TEX9: variants seen among roughly 807,000 people sequenced by gnomAD.
The protein encoded by TEX9 is testis expressed 9.
In TEX9, 74 loss-of-function variants were observed where a neutral mutation model predicts 59.6. That is an observed-to-expected ratio of 1.24 (90% confidence interval 1.03 to 1.51). The LOEUF is 1.51. Ranked by LOEUF, TEX9 falls within the 40% of genes most tolerant of loss-of-function variation. The pLI is 0.00. For missense variants in TEX9, 522 were observed against 447.8 expected, an observed-to-expected ratio of 1.17 and a Z score of -1.49; for synonymous variants, 186 against 152.2, an observed-to-expected ratio of 1.22 and a Z score of -1.64.
chr15:56,443,467 T>G, intron 12 of TEX9: 1 of 1,595,018 alleles, frequency 6.3e-7, no homozygotes, highest in Non-Finnish European at 8.5e-7. Context: ...TTGTTCTTCC[T>G]GGTATAATTC....
At chr15:56,392,935 A>G (rs1384233672) in intron 7 of TEX9, among the ~76,000 whole-genome samples, 2 of 152,038 alleles carry the variant, frequency 1.3e-5, no homozygotes, top group Non-Finnish European at 1.5e-5. Context: ...ATTTTCTCTT[A>G]TTTTAGATGA....
At chr15:56,267,189 G>C (rs1160101541) in intron 1 of TEX9, among the ~76,000 whole-genome samples, 1 of 152,120 alleles carries the variant, frequency 6.6e-6, no homozygotes, top group Non-Finnish European at 1.5e-5. Flanking sequence ...TTTTCTTCCT[G>C]TAAATTTGTT....
chr15:56,301,321 A>G (rs1248646705), intron 1 of TEX9, among the ~76,000 whole-genome samples: 1 of 152,220 alleles, frequency 6.6e-6, no homozygotes, highest in Non-Finnish European at 1.5e-5. Flanking sequence ...CGAATGAAGC[A>G]TGCCTACAAG....
intron 12 of TEX9, chr15:56,429,285 A>C: frequency 2.6e-6 from 2 of 776,150 alleles, no homozygotes; most frequent in Non-Finnish European, 4.2e-6. Flanking sequence ...TAGTAAAGTT[A>C]TCTCCAAGGT....
chr15:56,318,422 G>A (rs1029391151), intron 1 of TEX9, among the ~76,000 whole-genome samples: 22 of 152,086 alleles, frequency 1.4e-4, no homozygotes, highest in Non-Finnish European at 2.5e-4. Context: ...ATTGTAGGCA[G>A]CATATCGTTG....
chr15:56,292,547 C>T (rs570597926), intron 1 of TEX9, among the ~76,000 whole-genome samples: 1 of 152,254 alleles, frequency 6.6e-6, no homozygotes, highest in Non-Finnish European at 1.5e-5. Flanking sequence ...GCTACTCCAC[C>T]AGGGCAAACC....
At chr15:56,349,431 G>T (rs937653571) in intron 1 of TEX9, among the ~76,000 whole-genome samples, 1 of 152,130 alleles carries the variant, frequency 6.6e-6, no homozygotes, top group Non-Finnish European at 1.5e-5. Flanking sequence ...ATAATTTTGG[G>T]ATTTCCCTCT....
At position 56,444,581 on chromosome 15, in the gene TEX9, C is replaced by A. The variant is rs201457984; in HGVS notation, c.*30-1090C>A. 18 of 1,612,530 alleles carry A rather than the reference C, an allele frequency of 1.1e-5. No homozygotes were observed. In the Admixed American group the frequency reaches 3.0e-4, roughly 27 times the overall value. On this transcript the variant is annotated intron_variant, in intron 12 of 12. Coordinates refer to ENST00000352903, the Ensembl canonical transcript of TEX9. ...CTAAGTCAAGATAGTACTGTGCTTT[C>A]GCTTTGTTTCGTTTGTCTTCTGCAG...
chr15:56,376,666 G>A (rs1232898060), intron 3 of TEX9, among the ~76,000 whole-genome samples: 1 of 151,698 alleles, frequency 6.6e-6, no homozygotes, highest in Non-Finnish European at 1.5e-5. Context: ...TACCCTTGTC[G>A]ATGGGTAGTT....
At chr15:56,282,958 T>C (rs2044851573) in intron 1 of TEX9, among the ~76,000 whole-genome samples, 1 of 151,890 alleles carries the variant, frequency 6.6e-6, no homozygotes, top group Admixed American at 6.6e-5. Context: ...AAAAATAAAT[T>C]TGAGGACTGA....
At chr15:56,300,245 G>A (rs984898288) in intron 1 of TEX9, among the ~76,000 whole-genome samples, 54 of 152,040 alleles carry the variant, frequency 3.6e-4, no homozygotes, top group African/African-American at 1.2e-3. Flanking sequence ...TGGGCCCTGG[G>A]GTGATGATGG....
rs568132311 is a variant in TEX9, at chr15:56,373,567, GAT to G, written c.183+68_183+69del. The stretch of plus-strand genomic sequence containing the variant: ...TGCTAGTTTTTTATCTTTTTCATTT[GAT>G]ATATGACATATATACAAAACACTAG... On this transcript the variant is annotated intron_variant, in intron 3 of 12. Coordinates refer to ENST00000352903, the Ensembl canonical transcript of TEX9. 2.8e-4 allele frequency: 382 copies of G among 1,354,588 alleles called. 3 individuals are homozygous for G. The South Asian group carries it at 5.4e-3, about 19-fold the overall frequency. The allele number at this position is 1,354,588 out of a possible 1,614,324, so 83.9% of individuals were successfully genotyped here. A position where few individuals can be genotyped will look rare whatever the true frequency, so the allele number is the denominator to read the frequency against.
rs374084938 is a variant in TEX9 at position 56,399,158 on chromosome 15, C to T, written c.828+4324C>T. 1.2e-4 allele frequency among the ~76,000 whole-genome samples: 19 copies of T among 152,270 alleles called. 1 individual carries two copies. Among genetic ancestry groups the T allele is most frequent in the African/African-American group, 3.4e-4 (14 of 41,548 alleles). On this transcript the variant is annotated intron_variant, in intron 9 of 12. Coordinates refer to ENST00000352903, the Ensembl canonical transcript of TEX9. ...GGTGAACTGAAGCAGAGTGGGGTGT[C>T]GCCTTACCCGGGAAGTGCAAGGGGT...
intron 12 of TEX9, chr15:56,428,731 G>A: frequency 2.8e-6 from 1 of 358,084 alleles, no homozygotes; most frequent in Non-Finnish European, 5.0e-6. Flanking sequence ...TGCTTTAAAA[G>A]AAAATTCCAA....
intron 1 of TEX9, among the ~76,000 whole-genome samples, chr15:56,273,036 C>T (rs2044582654): frequency 6.6e-6 from 1 of 151,792 alleles, no homozygotes; most frequent in East Asian, 1.9e-4. Context: ...TCAGTGCAAC[C>T]TCCGCCTCCC....
chr15:56,314,591 A>G (rs1178121205), intron 1 of TEX9, among the ~76,000 whole-genome samples: 4 of 151,706 alleles, frequency 2.6e-5, no homozygotes, highest in Non-Finnish European at 5.9e-5. Flanking sequence ...ATTTTGGAAT[A>G]GGTATGGTGT....
At chr15:56,330,036 AAAAC>A (rs372215876) in intron 1 of TEX9, among the ~76,000 whole-genome samples, 6,647 of 152,090 alleles carry the variant, frequency 0.044, 221 homozygotes, top group Admixed American at 0.086. Context: ...GAAAAGAAAA[AAAAC>A]AAACAAACAT....
At chr15:56,338,935 T>G (rs2046311102) in intron 1 of TEX9, among the ~76,000 whole-genome samples, 1 of 151,964 alleles carries the variant, frequency 6.6e-6, no homozygotes. Flanking sequence ...AAGTCACTGA[T>G]GTGGTAGGCC....
At chr15:56,371,437 C>G (rs1449225946) in intron 2 of TEX9, among the ~76,000 whole-genome samples, 5 of 150,886 alleles carry the variant, frequency 3.3e-5, no homozygotes, top group African/African-American at 1.2e-4. Flanking sequence ...AAATCTGGCT[C>G]TTGCCTAATG....
Sources: allele counts gnomAD v4.1 joint callset (sites outside exome capture counted in the v4.1 genomes callset), GRCh38; gene constraint gnomAD v4.1.1; transcripts MANE v1.5; gene names NCBI Gene and HGNC (gene_info 2026-07-23, HGNC 2026-07-21).